ATAT1: variants seen among roughly 807,000 people sequenced by gnomAD.
ATAT1 encodes alpha tubulin acetyltransferase 1, also known as alpha-tubulin N-acetyltransferase 1.
A neutral mutation model predicts 57.2 loss-of-function variants in ATAT1; 42 were observed. The ratio of observed to expected loss-of-function variants is 0.73; its 90% confidence interval spans 0.57 to 0.95. The LOEUF (loss-of-function observed/expected upper bound fraction) is 0.95, where lower values mean the gene tolerates loss of function less well. Ranked by LOEUF, ATAT1 falls within the 40% of genes least tolerant of loss-of-function variation. The pLI is 0.00. For missense variants in ATAT1, 454 were observed against 523.7 expected (o/e 0.87, Z 1.30); for synonymous variants, 168 against 187.1 (o/e 0.90, Z 0.83).
intron 6 of ATAT1, among the ~76,000 whole-genome samples, chr6:30,639,726 C>T (rs1317356027): frequency 6.6e-6 from 1 of 152,108 alleles, no homozygotes; most frequent in Non-Finnish European, 1.5e-5. Context: ...ATCCGCCCGC[C>T]TCGGCCTCCC....
chr6:30,643,696 ACTTT>A, intron 10 of ATAT1: 1 of 1,476,058 alleles, frequency 6.8e-7, no homozygotes. Flanking sequence ...TCCCTCTTCT[ACTTT>A]CTTAGACAGC....
At chr6:30,643,607 A>G in intron 10 of ATAT1, 5 of 1,550,134 alleles carry the variant, frequency 3.2e-6, no homozygotes, top group Non-Finnish European at 4.4e-6. Flanking sequence ...TGGGCAGGGA[A>G]CCCCTCCCTG....
At chr6:30,644,441 G>A (rs1766224299) in intron 10 of ATAT1, 2 of 985,730 alleles carry the variant, frequency 2.0e-6, no homozygotes, top group Non-Finnish European at 1.2e-6. Context: ...CCATAGCAAG[G>A]ACGACCTTCC....
chr6:30,642,853 C>CCCCCCCCCCCGGCA lies in ATAT1; in HGVS notation c.774_775insCCCCCCCCCCGGCA (p.Ser259ProfsTer65). 1 of 1,593,874 alleles carries CCCCCCCCCCCGGCA rather than the reference C, an allele frequency of 6.3e-7. No individual in the cohort carries two copies. The highest frequency in any genetic ancestry group is 8.6e-7 in the Non-Finnish European group (1 of 1,169,274). On this transcript the variant is annotated frameshift_variant, in exon 10 of 13. Coordinates refer to ENST00000330083, the MANE Select transcript of ATAT1 (RefSeq NM_001031722.4). LOFTEE classifies it high-confidence loss of function. ...CTCCAGCCCACCCACCCCCCCGCTC[C>CCCCCCCCCCCGGCA]AGCAGCCTGGGAAACTCACCAGAAC... is the stretch of plus-strand genomic sequence containing the variant.
In ATAT1 at chr6:30,627,258, G is replaced by A. The variant is rs1199508507; in HGVS notation, c.55G>A (p.Val19Met). 6.2e-7 allele frequency: 1 copy of A among 1,613,960 alleles called. No homozygotes were observed. Among genetic ancestry groups the A allele is most frequent in the Non-Finnish European group, 8.5e-7 (1 of 1,179,886 alleles). Residue 19 changes from valine (V) to methionine (M), a missense_variant, in exon 1 of 13, where the codon GTG becomes ATG. Physicochemically the swap from Val to Met is conservative, Grantham distance 21. Coordinates refer to ENST00000330083, the MANE Select transcript of ATAT1 (RefSeq NM_001031722.4). ...CACAATAACCTTAAGGGAGGAGGGA[G>A]TGTGCCACCTTGAAAGGTGTGACAG...
Position 30,642,864 on chromosome 6 carries a change from GAAACTCACCA to G in ATAT1, c.786_795del (p.Ser264GlufsTer52). 1.6e-6 allele frequency: 2 copies of G among 1,212,196 alleles called. No individual in the cohort carries two copies. The highest frequency in any genetic ancestry group is 2.2e-6 in the Non-Finnish European group (2 of 903,562). 75.1% of individuals were successfully genotyped at this position (1,212,196 alleles called of 1,614,324 possible). On this transcript the variant is annotated frameshift_variant, in exon 10 of 13. Transcript: ENST00000330083. LOFTEE classifies it high-confidence loss of function. ...CCACCCCCCCGCTCCAGCAGCCTGG[GAAACTCACCA>G]GAACGAGGTCCCCTCCGCCCCTTTG...
chr6:30,633,667 C>G (rs894231370), intron 6 of ATAT1: 1 of 205,600 alleles, frequency 4.9e-6, no homozygotes, highest in African/African-American at 2.4e-5. Context: ...GCTCCGTGAT[C>G]ACCACCAAGG....
chr6:30,643,355 C>A, intron 10 of ATAT1: 1 of 1,447,644 alleles, frequency 6.9e-7, no homozygotes. Context: ...CAGTGTCTGA[C>A]AGAGAGTGGG....
chr6:30,627,351 C>G lies in ATAT1; in HGVS notation c.71+77C>G, dbSNP rs1208755868. On this transcript the variant is annotated intron_variant, in intron 1 of 12. Transcript: ENST00000330083. ...AGACTCCCAGGCAAAGGCAGGGAGC[C>G]TTCAGTGTTAAACCTGGGTTGGAGT... 4.3e-6 allele frequency: 7 copies of G among 1,609,326 alleles called. No individual in the cohort carries two copies. In the African/African-American group the frequency reaches 9.4e-5, roughly 22 times the overall value.
Position 30,627,105 on chromosome 6 carries a change from C to T in ATAT1, c.-99C>T, listed in dbSNP as rs1582730017. On this transcript the variant is annotated 5_prime_UTR_variant, in exon 1 of 13. Coordinates refer to ENST00000330083, the MANE Select transcript of ATAT1 (RefSeq NM_001031722.4). Reference sequence around the variant, plus strand: ...GTGATCGCCCCTTTTGATGTCCAGGCCTGCCTTTTTGGTGACCTCTGACCC... The same window carrying T: ...GTGATCGCCCCTTTTGATGTCCAGGTCTGCCTTTTTGGTGACCTCTGACCC... 6.4e-7 allele frequency: 1 copy of T among 1,574,034 alleles called. No homozygotes were observed. Among genetic ancestry groups the T allele is most frequent in the Non-Finnish European group, 8.6e-7 (1 of 1,158,362 alleles).
Position 30,646,101 on chromosome 6 carries a change from A to G in ATAT1, c.1047A>G (p.Thr349=). 1 of 1,609,634 alleles carries G rather than the reference A, an allele frequency of 6.2e-7. No individual in the cohort carries two copies. The change falls in exon 12 of 13, where the codon ACA becomes ACG. Residue 349 remains threonine, a synonymous_variant. Transcript: ENST00000330083. ...ACTCCAAGCAGGGAGAACAGGAAAC[A>G]AAGAATAGGTGAGGTCTAAACCCCT...
intron 6 of ATAT1, among the ~76,000 whole-genome samples, chr6:30,637,902 G>T (rs1183901735): frequency 3.9e-5 from 6 of 152,294 alleles, no homozygotes; most frequent in Non-Finnish European, 2.9e-5. Context: ...CTTGAACTCA[G>T]GAGGTGGAGG....
chr6:30,643,000 T>A lies in ATAT1; in HGVS notation c.921T>A (p.Arg307=). 1 of 1,612,896 alleles carries A rather than the reference T, an allele frequency of 6.2e-7. No homozygotes were observed. The highest frequency in any genetic ancestry group is 8.5e-7 in the Non-Finnish European group (1 of 1,179,492). ...ACCCTGGGGGCAGCCCAGCTCAACG[T>A]CGTCGCACCAGGTAATAGGAGTTGA... Residue 307 remains arginine (R), a synonymous_variant, in exon 10 of 13, where the codon CGT becomes CGA. Transcript: ENST00000330083.
At chr6:30,641,616 T>C (rs540227977) in intron 8 of ATAT1, among the ~76,000 whole-genome samples, 51 of 152,050 alleles carry the variant, frequency 3.4e-4, no homozygotes, top group Non-Finnish European at 5.9e-4. Context: ...CTTACTCTGA[T>C]AGCTCCCTTT....
intron 6 of ATAT1, among the ~76,000 whole-genome samples, chr6:30,630,931 C>T (rs1180995131): frequency 3.3e-5 from 5 of 150,700 alleles, no homozygotes; most frequent in African/African-American, 4.9e-5. Flanking sequence ...AAGCGAGACT[C>T]TTGTCTCGGA....
intron 6 of ATAT1, among the ~76,000 whole-genome samples, chr6:30,632,206 C>T (rs1335693126): frequency 6.7e-6 from 1 of 148,338 alleles, no homozygotes; most frequent in Non-Finnish European, 1.5e-5. Flanking sequence ...GCGGAGGTTG[C>T]AGTGAGCCGC....
intron 10 of ATAT1, chr6:30,643,713 G>A: frequency 6.2e-6 from 9 of 1,444,396 alleles, no homozygotes; most frequent in Non-Finnish European, 8.2e-6. Flanking sequence ...TAGACAGCAG[G>A]GATGTCAGGG....
chr6:30,641,106 T>TACACAC (rs1262818896), intron 8 of ATAT1, among the ~76,000 whole-genome samples: 3,400 of 140,840 alleles, frequency 0.024, 95 homozygotes, highest in African/African-American at 0.073. Flanking sequence ...CCCCATCCCA[T>TACACAC]ATACACACAT....
In ATAT1 at chr6:30,626,913, C is replaced by G. The variant is rs780031137; in HGVS notation, c.-291C>G. On this transcript the variant is annotated 5_prime_UTR_variant, in exon 1 of 13. Transcript: ENST00000330083. ...GGAGTTCCCGTTCGATGTGGACGCG[C>G]TGTTCCCGGAGCGGATCACGGTGCT... is the stretch of plus-strand genomic sequence containing the variant. 42 of 1,609,120 alleles carry G rather than the reference C, an allele frequency of 2.6e-5. No individual in the cohort carries two copies. In the African/African-American group the frequency reaches 5.3e-4, roughly 20 times the overall value.
Sources: allele counts gnomAD v4.1 joint callset (sites outside exome capture counted in the v4.1 genomes callset), GRCh38; gene constraint gnomAD v4.1.1; transcripts MANE v1.5; gene names NCBI Gene and HGNC (gene_info 2026-07-23, HGNC 2026-07-21).